The following HS6ST2 variants were observed in gnomAD, a reference collection of about 807,000 sequenced individuals.
The protein encoded by HS6ST2 is heparan-sulfate 6-O-sulfotransferase 2.
Under a neutral mutation model 33.0 loss-of-function variants are expected in HS6ST2, and 17 were observed. The observed-to-expected ratio is 0.52, with a 90% CI of 0.35 to 0.77. The LOEUF (loss-of-function observed/expected upper bound fraction) is 0.77, where lower values mean the gene tolerates loss of function less well. Ranked by LOEUF, HS6ST2 falls within the 30% of genes least tolerant of loss-of-function variation. The probability of loss-of-function intolerance (pLI) is 0.01; values close to 1 mark genes in which losing one functional copy is unlikely to be tolerated. For missense variants in HS6ST2, 519 were observed against 551.7 expected, an observed-to-expected ratio of 0.94 and a Z score of 0.59; for synonymous variants, 248 against 237.1, an observed-to-expected ratio of 1.05 and a Z score of -0.42.
At chrX:132,636,022 G>A (rs1224401150) in intron 4 of HS6ST2, among the ~76,000 whole-genome samples, 1 of 111,181 alleles carries the variant, frequency 9.0e-6, no homozygotes. Context: ...TGCTCCAGAC[G>A]CCCTGGTGTT....
intron 2 of HS6ST2, among the ~76,000 whole-genome samples, chrX:132,797,429 T>C (rs1439545696): frequency 1.8e-5 from 2 of 112,273 alleles, no homozygotes; most frequent in African/African-American, 6.5e-5. Flanking sequence ...CCATCACTAT[T>C]GGAATTCTGG....
intron 4 of HS6ST2, among the ~76,000 whole-genome samples, chrX:132,668,859 G>A (rs1194014704): frequency 9.0e-6 from 1 of 110,859 alleles, no homozygotes; most frequent in East Asian, 2.8e-4. Context: ...TTCACAGTCA[G>A]CCCTAAGCTA....
upstream of HS6ST2, chrX:132,958,941 T>G (rs2067122731): frequency 4.4e-6 from 1 of 229,015 alleles, no homozygotes; most frequent in African/African-American, 2.9e-5. Flanking sequence ...TCTGACCTTT[T>G]TTAGAGCACA....
chrX:132,851,952 G>A (rs1358298731), intron 2 of HS6ST2, among the ~76,000 whole-genome samples: 1 of 111,282 alleles, frequency 9.0e-6, no homozygotes, highest in Non-Finnish European at 1.9e-5. Context: ...ACCAGTCTGG[G>A]CAACACAGCA....
chrX:132,755,787 C>A (rs988498741), intron 2 of HS6ST2, among the ~76,000 whole-genome samples: 1 of 111,919 alleles, frequency 8.9e-6, no homozygotes. Context: ...TGAATAGACA[C>A]TGCACTCCAG....
chrX:132,842,622 T>A (rs1183584695), intron 2 of HS6ST2, among the ~76,000 whole-genome samples: 1 of 111,821 alleles, frequency 8.9e-6, no homozygotes, highest in Non-Finnish European at 1.9e-5. Context: ...AATAGACAGA[T>A]CTGTGGATGA....
chrX:132,801,104 T>C (rs1029991597), intron 2 of HS6ST2, among the ~76,000 whole-genome samples: 2 of 111,368 alleles, frequency 1.8e-5, no homozygotes, highest in South Asian at 7.7e-4. Context: ...TAGGTGTTGT[T>C]CCTGACTCCT....
intron 3 of HS6ST2, among the ~76,000 whole-genome samples, chrX:132,693,652 C>T (rs1294223104): frequency 1.8e-5 from 2 of 111,636 alleles, no homozygotes; most frequent in Admixed American, 9.5e-5. Flanking sequence ...CACCACCAGC[C>T]GAGTGTTAAC....
At chrX:132,653,501 C>T (rs903212687) in intron 4 of HS6ST2, among the ~76,000 whole-genome samples, 1 of 111,521 alleles carries the variant, frequency 9.0e-6, no homozygotes, top group Non-Finnish European at 1.9e-5. Context: ...ATAGTGGTGA[C>T]GGGGGCTTGT....
intron 2 of HS6ST2, among the ~76,000 whole-genome samples, chrX:132,914,738 TC>T (rs1370356573): frequency 2.7e-5 from 3 of 111,940 alleles, no homozygotes; most frequent in Non-Finnish European, 5.6e-5. Context: ...TGCGACTAGA[TC>T]ATTGCTTTCT....
chrX:132,752,822 T>C (rs1208179149), intron 2 of HS6ST2, among the ~76,000 whole-genome samples: 1 of 112,412 alleles, frequency 8.9e-6, no homozygotes, highest in African/African-American at 3.2e-5. Flanking sequence ...ACATTATGTC[T>C]TGATTGAACA....
intron 2 of HS6ST2, among the ~76,000 whole-genome samples, chrX:132,849,100 C>T (rs190095645): frequency 4.8e-4 from 54 of 111,646 alleles, no homozygotes; most frequent in African/African-American, 1.7e-3. Context: ...AAAAAGCAAA[C>T]AAAGATAAAA....
intron 2 of HS6ST2, among the ~76,000 whole-genome samples, chrX:132,829,177 CATATAT>C (rs71855456): frequency 3.1e-5 from 2 of 63,694 alleles, no homozygotes; most frequent in African/African-American, 7.1e-5. Flanking sequence ...AGGTAAGGAA[CATATAT>C]ATATATATAT....
intron 1 of HS6ST2, among the ~76,000 whole-genome samples, 169 bp downstream of exon 1, chrX:132,958,005 CG>C (rs1231404325): frequency 5.4e-5 from 6 of 111,855 alleles, no homozygotes; most frequent in African/African-American, 1.9e-4. Context: ...GCGACGGAGC[CG>C]CGGCGTGGGC....
At chrX:132,712,897 C>T (rs1435159784) in intron 2 of HS6ST2, among the ~76,000 whole-genome samples, 1 of 110,533 alleles carries the variant, frequency 9.0e-6, no homozygotes, top group African/African-American at 3.3e-5. Flanking sequence ...TGGTGGCAGG[C>T]GCCTGTATTC....
intron 2 of HS6ST2, among the ~76,000 whole-genome samples, chrX:132,772,476 G>T (rs1197253483): frequency 1.9e-5 from 2 of 107,509 alleles, no homozygotes; most frequent in East Asian, 5.7e-4. Context: ...CAAAGTATAA[G>T]ACTTTCACAC....
intron 3 of HS6ST2, among the ~76,000 whole-genome samples, chrX:132,683,851 C>T (rs1386738632): frequency 9.0e-6 from 1 of 110,764 alleles, no homozygotes; most frequent in Non-Finnish European, 1.9e-5. Context: ...GGTCAGAGCA[C>T]TATTTTTTAT....
Position 132,630,370 on chromosome X carries a change from A to G in HS6ST2, c.1068-1277T>C, listed in dbSNP as rs1053704482. Among the ~76,000 whole-genome samples the G allele has an allele frequency of 1.3e-4, 14 of 111,928 alleles. No individual in the cohort carries two copies. The East Asian group carries it at 2.3e-3, about 18-fold the overall frequency. ...AGGGAACCTGCTCAGCCACCTGCTT[A>G]ACTGAATATTGGCTGATGTTCATTG... On this transcript the variant is annotated intron_variant, in intron 4 of 4. Coordinates refer to ENST00000370833, the MANE Select transcript of HS6ST2 (RefSeq NM_001394073.1).
rs71855456 is a variant in HS6ST2, at chrX:132,829,177, C to CATAT, written c.948-120687_948-120684dup. Among the ~76,000 whole-genome samples, 111 of 63,657 alleles carry CATAT rather than the reference C, an allele frequency of 1.7e-3. 2 individuals carry two copies. Among genetic ancestry groups the CATAT allele is most frequent in the Middle Eastern group, 0.011 (1 of 89 alleles). 55.3% of individuals were successfully genotyped at this position (63,657 alleles called of 115,157 possible). On this transcript the variant is annotated intron_variant, in intron 2 of 4. Transcript: ENST00000370833. The stretch of plus-strand genomic sequence containing the variant: ...TGTGTTGGATCCTGTAGGTAAGGAA[C>CATAT]ATATATATATATATATATATATACA...
Sources: gnomAD v4.1 joint callset for allele counts (sites outside exome capture counted in the v4.1 genomes callset) on GRCh38, gnomAD v4.1.1 for gene constraint, MANE v1.5 for transcripts, NCBI Gene and HGNC (gene_info 2026-07-23, HGNC 2026-07-21) for gene names.